Variants in LRP4 observed in about 807,000 individuals in gnomAD.
LRP4 encodes the protein low-density lipoprotein receptor-related protein 4.
In LRP4, 95 loss-of-function variants were observed where a neutral mutation model predicts 220.3. The ratio of observed to expected loss-of-function variants is 0.43; its 90% CI spans 0.37 to 0.51. The LOEUF is 0.51. Ranked by LOEUF, LRP4 falls within the 20% of genes least tolerant of loss-of-function variation. LRP4 has a pLI of 0.00. For synonymous variants in LRP4, 903 were observed against 954.6 expected (o/e 0.95, Z 1.00); for missense variants, 1,925 against 2,567.0 (o/e 0.75, Z 5.40).
In LRP4 at chr11:46,899,571, G is replaced by T; in HGVS notation, c.431-68C>A. On this transcript the variant is annotated intron_variant, in intron 4 of 37. Coordinates refer to ENST00000378623, the MANE Select transcript of LRP4 (RefSeq NM_002334.4). This position sits in a 1 kb window ranked among gnomAD's most constrained non-coding sequence, Gnocchi z 5.9. ...AGGCAACCCTCTCACCCTCCTCTCTGACTCCCAACCTCACTGGCTTTGGCG... is the reference window on the plus strand; with the variant it reads ...AGGCAACCCTCTCACCCTCCTCTCTTACTCCCAACCTCACTGGCTTTGGCG... 2 of 1,109,112 alleles carry T rather than the reference G, an allele frequency of 1.8e-6. No individual in the cohort carries two copies. The highest frequency in any genetic ancestry group is 2.5e-5 in the South Asian group (2 of 80,912). The allele number at this position is 1,109,112 out of a possible 1,614,324, so 68.7% of individuals were successfully genotyped here. A position where few individuals can be genotyped will look rare whatever the true frequency, so the allele number is the denominator to read the frequency against.
At position 46,918,057 on chromosome 11, in the gene LRP4, C is replaced by A. The variant is rs1020213883; in HGVS notation, c.52+271G>T. Among the ~76,000 whole-genome samples the A allele has an allele frequency of 2.0e-5, 3 of 152,182 alleles. No individual in the cohort carries two copies. The highest frequency in any genetic ancestry group is 7.2e-5 in the African/African-American group (3 of 41,446). On this transcript the variant is annotated intron_variant, in intron 1 of 37. Coordinates refer to ENST00000378623, the MANE Select transcript of LRP4 (RefSeq NM_002334.4). This position sits in a 1 kb window ranked among gnomAD's most constrained non-coding sequence, Gnocchi z 6.0. Reference sequence around the variant, plus strand: ...TGAAAGAGCAGCGAGGGAGGGCGAGCGAACGAACGCCCCGGACCTTACCCG... The same window carrying A: ...TGAAAGAGCAGCGAGGGAGGGCGAGAGAACGAACGCCCCGGACCTTACCCG...
At chr11:46,874,745 C>A in intron 28 of LRP4, 55 bp downstream of exon 28, 2 of 1,538,820 alleles carry the variant, frequency 1.3e-6, no homozygotes, top group South Asian at 2.2e-5. Flanking sequence ...CAACCTCACC[C>A]ATGGGCGACC....
rs773774523 is a variant in LRP4, at chr11:46,873,155, TGAG to T, written c.4525_4527del (p.Leu1509del). 2 of 1,614,088 alleles carry T rather than the reference TGAG, an allele frequency of 1.2e-6. No homozygotes were observed. The highest frequency in any genetic ancestry group is 1.7e-6 in the Non-Finnish European group (2 of 1,180,054). On this transcript the variant is annotated inframe_deletion, in exon 30 of 38. Transcript: ENST00000378623. This position sits in a 1 kb window ranked among gnomAD's most constrained non-coding sequence, Gnocchi z 4.2. ...TTGGGCCAACCCAGGTCTGTGTTGA[TGAG>T]GACCTTCCGCTCAGAACCATCCAAG...
chr11:46,885,729 G>T (rs898665105), intron 18 of LRP4, among the ~76,000 whole-genome samples: 1 of 134,114 alleles, frequency 7.5e-6, no homozygotes, highest in Non-Finnish European at 1.5e-5. Context: ...AGCCGAGATC[G>T]CACCACTGCA....
At chr11:46,892,923 G>A in intron 13 of LRP4, 50 bp downstream of exon 13, 1 of 1,601,332 alleles carries the variant, frequency 6.2e-7, no homozygotes, top group Non-Finnish European at 8.5e-7. Context: ...TAGCCTGGGA[G>A]CTGTCCCGAG....
chr11:46,891,881 G>C (rs1941431500), intron 13 of LRP4, among the ~76,000 whole-genome samples: 2 of 152,158 alleles, frequency 1.3e-5, no homozygotes, highest in South Asian at 2.1e-4. Context: ...ATCCCAAAGT[G>C]CTGAGATTAT....
Position 46,890,614 on chromosome 11 carries a change from G to T in LRP4, c.1698-120C>A. ...AGGGGACTCCAATGTTTGGTCCACA[G>T]AATGAATTTTTTTTTTAGACGGGGT... On this transcript the variant is annotated intron_variant, in intron 13 of 37. Coordinates refer to ENST00000378623, the MANE Select transcript of LRP4 (RefSeq NM_002334.4). This position sits in a 1 kb window ranked among gnomAD's most constrained non-coding sequence, Gnocchi z 5.3. 1.4e-6 allele frequency: 1 copy of T among 729,174 alleles called. No homozygotes were observed. 45.2% of individuals were successfully genotyped at this position (729,174 alleles called of 1,614,324 possible).
chr11:46,899,182 C>A lies in LRP4; in HGVS notation c.548-150G>T. 1 of 916,420 alleles carries A rather than the reference C, an allele frequency of 1.1e-6. No homozygotes were observed. The highest frequency in any genetic ancestry group is 1.9e-5 in the Admixed American group (1 of 52,876). The allele number at this position is 916,420 out of a possible 1,614,324, so 56.8% of individuals were successfully genotyped here. ...TTTCATCTGGGACAGCCCTTATAGA[C>A]GCCCATATTCAGGTGGACCAAAGGA... On this transcript the variant is annotated intron_variant, in intron 5 of 37. Transcript: ENST00000378623. The surrounding 1 kb of genome is among the most constrained non-coding windows in gnomAD (Gnocchi z 5.9).
Position 46,902,947 on chromosome 11 carries a change from G to GA in LRP4, c.53-19dup, listed in dbSNP as rs765231284. On this transcript the variant is annotated intron_variant, in intron 1 of 37. Transcript: ENST00000378623. ...GGCCAGGCCTGGGCGGAGGGAAAAG[G>GA]AATCAGTGAGGGCTCAGCTCCCACT... 1 of 1,613,806 alleles carries GA rather than the reference G, an allele frequency of 6.2e-7. No individual in the cohort carries two copies. Among genetic ancestry groups the GA allele is most frequent in the Non-Finnish European group, 8.5e-7 (1 of 1,180,038 alleles).
intron 11 of LRP4, 137 bp from the exon 12 acceptor site, chr11:46,894,956 G>T: frequency 1.9e-6 from 2 of 1,027,712 alleles, no homozygotes; most frequent in Non-Finnish European, 3.0e-6. Flanking sequence ...AGTACCAGAA[G>T]AGTGGCAACC....
rs765786195 is a variant in LRP4, at chr11:46,876,447, C to T, written c.3536+19G>A. Reference sequence around the variant, plus strand: ...AGCTGGCCCCCCACACTACCCAGTGCGATACAGCCAGCTCTCACCCCATCT... The same window carrying T: ...AGCTGGCCCCCCACACTACCCAGTGTGATACAGCCAGCTCTCACCCCATCT... On this transcript the variant is annotated intron_variant, in intron 25 of 37. Transcript: ENST00000378623. The T allele has an allele frequency of 1.4e-5, 22 of 1,614,048 alleles. No individual in the cohort carries two copies. The highest frequency in any genetic ancestry group is 1.7e-5 in the Admixed American group (1 of 60,026).
chr11:46,900,396 A>G lies in LRP4; in HGVS notation c.200-18T>C. The G allele has an allele frequency of 6.7e-7, 1 of 1,496,010 alleles. No individual in the cohort carries two copies. Among genetic ancestry groups the G allele is most frequent in the Non-Finnish European group, 9.3e-7 (1 of 1,072,296 alleles). The allele number at this position is 1,496,010 out of a possible 1,614,324, so 92.7% of individuals were successfully genotyped here. A position where few individuals can be genotyped will look rare whatever the true frequency, so the allele number is the denominator to read the frequency against. ...AGGTAGTACTGAATCCCAGGAAAAG[A>G]AAAGAAAAGTCAATCAACCTGGTAT... On this transcript the variant is annotated intron_variant, in intron 2 of 37. Coordinates refer to ENST00000378623, the MANE Select transcript of LRP4 (RefSeq NM_002334.4).
Position 46,875,422 on chromosome 11 carries a change from C to G in LRP4, c.3925+34G>C. ...TGAGATGGCCCCAGAAAGCCAGAGGCTCTGACTCACAGCCCCAGCCCTCTG... is the reference window on the plus strand; with the variant it reads ...TGAGATGGCCCCAGAAAGCCAGAGGGTCTGACTCACAGCCCCAGCCCTCTG... On this transcript the variant is annotated intron_variant, in intron 27 of 37. Transcript: ENST00000378623. The surrounding 1 kb of genome is among the most constrained non-coding windows in gnomAD (Gnocchi z 4.5). 2 of 1,576,474 alleles carry G rather than the reference C, an allele frequency of 1.3e-6. No individual in the cohort carries two copies. Among genetic ancestry groups the G allele is most frequent in the Non-Finnish European group, 1.7e-6 (2 of 1,146,624 alleles).
rs1172166938 is a variant in LRP4, at chr11:46,899,725, C to G, written c.430+138G>C. On this transcript the variant is annotated intron_variant, in intron 4 of 37. Coordinates refer to ENST00000378623, the MANE Select transcript of LRP4 (RefSeq NM_002334.4). The surrounding 1 kb of genome is among the most constrained non-coding windows in gnomAD (Gnocchi z 5.9). ...CTGGGGGGTCTGAGCGGCTCTGCCCCCTCTGCGTTCCTCTAGCTGCTCCAG... is the reference window on the plus strand; with the variant it reads ...CTGGGGGGTCTGAGCGGCTCTGCCCGCTCTGCGTTCCTCTAGCTGCTCCAG... 2.4e-5 allele frequency: 20 copies of G among 841,838 alleles called. No homozygotes were observed. Among genetic ancestry groups the G allele is most frequent in the South Asian group, 1.8e-4 (13 of 73,946 alleles). 52.1% of individuals were successfully genotyped at this position (841,838 alleles called of 1,614,324 possible).
At chr11:46,876,358 C>T in intron 25 of LRP4, 108 bp downstream of exon 25, 1 of 1,342,976 alleles carries the variant, frequency 7.4e-7, no homozygotes, top group Admixed American at 1.7e-5. Context: ...AGGGAGGTCA[C>T]CTTGTTTCTG....
intron 34 of LRP4, among the ~76,000 whole-genome samples, chr11:46,866,684 C>T (rs1940710818): frequency 6.6e-6 from 1 of 152,114 alleles, no homozygotes. Context: ...TTTGGGATGC[C>T]TAGGCGGGTG....
At position 46,875,402 on chromosome 11, in the gene LRP4, T is replaced by C. The variant is rs963525789; in HGVS notation, c.3925+54A>G. ...TCTGGATATATCTCTGATGTTGAGATGGCCCCAGAAAGCCAGAGGCTCTGA... is the reference window on the plus strand; with the variant it reads ...TCTGGATATATCTCTGATGTTGAGACGGCCCCAGAAAGCCAGAGGCTCTGA... On this transcript the variant is annotated intron_variant, in intron 27 of 37. Coordinates refer to ENST00000378623, the MANE Select transcript of LRP4 (RefSeq NM_002334.4). This position sits in a 1 kb window ranked among gnomAD's most constrained non-coding sequence, Gnocchi z 4.5. 2 of 1,463,934 alleles carry C rather than the reference T, an allele frequency of 1.4e-6. No individual in the cohort carries two copies. 90.7% of individuals were successfully genotyped at this position (1,463,934 alleles called of 1,614,324 possible).
chr11:46,897,862 A>C (rs368792152), intron 7 of LRP4, among the ~76,000 whole-genome samples: 6 of 152,156 alleles, frequency 3.9e-5, no homozygotes, highest in South Asian at 4.1e-4. Flanking sequence ...CATTGTCATC[A>C]TGGCCCGTTC....
intron 2 of LRP4, among the ~76,000 whole-genome samples, chr11:46,901,373 C>T (rs1941662853): frequency 6.6e-6 from 1 of 152,220 alleles, no homozygotes; most frequent in African/African-American, 2.4e-5. Context: ...ACGTAACACT[C>T]TGAGCAAGTC....
Sources: allele counts gnomAD v4.1 joint callset (sites outside exome capture counted in the v4.1 genomes callset), GRCh38; gene constraint gnomAD v4.1.1; non-coding constraint Gnocchi (gnomAD v3.1); transcripts MANE v1.5; gene names NCBI Gene and HGNC (gene_info 2026-07-23, HGNC 2026-07-21).